COL6A6: variants seen among roughly 807,000 people sequenced by gnomAD.
COL6A6 encodes the protein collagen alpha-6(VI) chain.
Under a neutral mutation model 208.6 loss-of-function variants are expected in COL6A6, and 183 were observed. The observed-to-expected ratio is 0.88, with a 90% CI of 0.78 to 0.99. The LOEUF (loss-of-function observed/expected upper bound fraction) is 0.99. COL6A6 is among the 50% of genes least tolerant of loss of function. The probability of loss-of-function intolerance (pLI) is 0.00; values close to 1 mark genes in which losing one functional copy is unlikely to be tolerated. For synonymous variants in COL6A6, 973 were observed against 1,011.8 expected, an observed-to-expected ratio of 0.96 and a Z score of 0.73; for missense variants, 2,816 against 2,815.2, an observed-to-expected ratio of 1.00 and a Z score of -0.01.
intron 35 of COL6A6, among the ~76,000 whole-genome samples, chr3:130,662,640 T>C (rs1314866509): frequency 6.6e-6 from 1 of 152,136 alleles, no homozygotes; most frequent in African/African-American, 2.4e-5. Context: ...AAAGTAGAAA[T>C]CCTTGCAGTG....
chr3:130,584,840 T>C (rs1298702887), intron 10 of COL6A6, among the ~76,000 whole-genome samples: 1 of 152,088 alleles, frequency 6.6e-6, no homozygotes, highest in Non-Finnish European at 1.5e-5. Context: ...GGTCTCTATC[T>C]CCTGCCCTTG....
intron 1 of COL6A6, among the ~76,000 whole-genome samples, chr3:130,518,686 A>C (rs929268924): frequency 2.0e-5 from 3 of 152,194 alleles, no homozygotes; most frequent in Admixed American, 1.3e-4. Context: ...TTGTATTTTT[A>C]GTAGAGACGG....
intron 33 of COL6A6, among the ~76,000 whole-genome samples, chr3:130,653,364 G>T (rs2065699243): frequency 6.6e-6 from 1 of 152,116 alleles, no homozygotes; most frequent in South Asian, 2.1e-4. Flanking sequence ...AATGGGGGGA[G>T]ACTTCTCATG....
intron 10 of COL6A6, 42 bp from the exon 11 acceptor site, chr3:130,586,464 C>A (rs986974435): frequency 1.3e-6 from 2 of 1,555,764 alleles, no homozygotes; most frequent in South Asian, 1.2e-5. Flanking sequence ...CTAAAGTAAC[C>A]AAACCCACCT....
chr3:130,577,111 C>T (rs779635473), intron 8 of COL6A6, among the ~76,000 whole-genome samples: 13 of 152,194 alleles, frequency 8.5e-5, no homozygotes, highest in Non-Finnish European at 1.9e-4. Flanking sequence ...TGAGCATCTA[C>T]GAAGGGTCAA....
At chr3:130,643,172 A>C (rs1319528904) in intron 31 of COL6A6, 149 bp downstream of exon 31, 1 of 761,594 alleles carries the variant, frequency 1.3e-6, no homozygotes, top group African/African-American at 1.7e-5. Context: ...TAGACTGGTG[A>C]CTTTTAACTC....
intron 36 of COL6A6, among the ~76,000 whole-genome samples, chr3:130,669,327 A>G (rs2066153719): frequency 6.6e-6 from 1 of 152,148 alleles, no homozygotes; most frequent in Non-Finnish European, 1.5e-5. Context: ...CTCAGGAGGT[A>G]GAGGTTGCAG....
intron 20 of COL6A6, among the ~76,000 whole-genome samples, chr3:130,605,775 C>CACA (rs139696349): frequency 0.034 from 5,225 of 152,242 alleles, 332 homozygotes; most frequent in African/African-American, 0.12. Context: ...TTAATGGACT[C>CACA]ACAGTTCCAT....
At chr3:130,612,319 G>A (rs1410842496) in intron 23 of COL6A6, among the ~76,000 whole-genome samples, 3 of 152,094 alleles carry the variant, frequency 2.0e-5, no homozygotes, top group Middle Eastern at 3.2e-3. Flanking sequence ...TGGGTTGAAT[G>A]GTGATTCTGT....
At chr3:130,590,754 A>G (rs2063690615) in intron 12 of COL6A6, among the ~76,000 whole-genome samples, 1 of 151,124 alleles carries the variant, frequency 6.6e-6, no homozygotes, top group South Asian at 2.1e-4. Context: ...TTTTTAGTAG[A>G]GACGGGGTTT....
At position 130,649,200 on chromosome 3, in the gene COL6A6, G is replaced by A; in HGVS notation, c.5371G>A (p.Glu1791Lys). The A allele has an allele frequency of 1.9e-6, 3 of 1,593,520 alleles. No individual in the cohort carries two copies. Among genetic ancestry groups the A allele is most frequent in the Non-Finnish European group, 2.6e-6 (3 of 1,169,808 alleles). ...AFLVRDIKVR[E>K]NSCPVGAHIA... The stretch of plus-strand genomic sequence containing the variant: ...CCTGGTGAGAGACATTAAGGTCCGG[G>A]AGAACAGCTGCCCCGTGGGAGCGCA... The change falls in exon 33 of 37, where the codon GAG (glutamate) becomes AAG (lysine). Residue 1791 changes from glutamate to lysine, a missense_variant. By Grantham distance (56) the Glu-to-Lys change is moderately conservative. Coordinates refer to ENST00000358511, the MANE Select transcript of COL6A6 (RefSeq NM_001102608.3).
At chr3:130,564,319 T>A (rs2062965433) in intron 3 of COL6A6, among the ~76,000 whole-genome samples, 1 of 152,228 alleles carries the variant, frequency 6.6e-6, no homozygotes, top group Non-Finnish European at 1.5e-5. Context: ...TCTGTCCTCT[T>A]GTACTACTCT....
At chr3:130,580,934 T>G (rs764205769) in intron 8 of COL6A6, among the ~76,000 whole-genome samples, 12 of 152,166 alleles carry the variant, frequency 7.9e-5, no homozygotes, top group Non-Finnish European at 1.6e-4. Context: ...GTGAATAATT[T>G]GGTTATCAGT....
At chr3:130,586,200 T>C (rs79057028) in intron 10 of COL6A6, among the ~76,000 whole-genome samples, 3,588 of 152,338 alleles carry the variant, frequency 0.024, 64 homozygotes, top group South Asian at 0.045. Flanking sequence ...AGTGTGTGAA[T>C]TTCTCTTTAC....
intron 23 of COL6A6, among the ~76,000 whole-genome samples, chr3:130,621,000 T>C (rs761757767): frequency 8.5e-5 from 13 of 152,214 alleles, no homozygotes; most frequent in Non-Finnish European, 1.5e-4. Flanking sequence ...AGGAAGGTAG[T>C]TGTGTCATCT....
chr3:130,561,634 C>CTTTT lies in COL6A6; in HGVS notation c.64+1232_64+1235dup, dbSNP rs398052265. On this transcript the variant is annotated intron_variant, in intron 2 of 36. Coordinates refer to ENST00000358511, the MANE Select transcript of COL6A6 (RefSeq NM_001102608.3). ...CTTAGATGTTTTCTAGTTGAATCTA[C>CTTTT]TTTTTTTTTTTTTTTTTTTTTTTTT... 4.7e-4 allele frequency among the ~76,000 whole-genome samples: 36 copies of CTTTT among 75,976 alleles called. 4 individuals are homozygous for CTTTT. The highest frequency in any genetic ancestry group is 1.9e-3 in the African/African-American group (33 of 17,400). The allele number at this position is 75,976 out of a possible 152,430, so 49.8% of individuals were successfully genotyped here. A position where few individuals can be genotyped will look rare whatever the true frequency, so the allele number is the denominator to read the frequency against.
chr3:130,550,871 G>A (rs1202931922), intron 1 of COL6A6, among the ~76,000 whole-genome samples: 1 of 152,136 alleles, frequency 6.6e-6, no homozygotes, highest in African/African-American at 2.4e-5. Flanking sequence ...TTAACATGAA[G>A]GGATGTTGAA....
At chr3:130,653,005 G>T (rs1404758495) in intron 33 of COL6A6, among the ~76,000 whole-genome samples, 4 of 152,170 alleles carry the variant, frequency 2.6e-5, no homozygotes, top group Non-Finnish European at 4.4e-5. Flanking sequence ...CACCGTCTTG[G>T]AAGTTTTTCA....
At chr3:130,548,862 G>T (rs2062580290) in intron 1 of COL6A6, among the ~76,000 whole-genome samples, 1 of 152,198 alleles carries the variant, frequency 6.6e-6, no homozygotes, top group Non-Finnish European at 1.5e-5. Context: ...CTCTGTATTT[G>T]CCTGTTAGTC....
Sources: gnomAD v4.1 joint callset for allele counts (sites outside exome capture counted in the v4.1 genomes callset) on GRCh38, gnomAD v4.1.1 for gene constraint, MANE v1.5 for transcripts, NCBI Gene and HGNC (gene_info 2026-07-23, HGNC 2026-07-21) for gene names.